Variants in FSTL1 observed in about 807,000 individuals in gnomAD.
The protein encoded by FSTL1 is follistatin like 1.
A neutral mutation model predicts 45.9 loss-of-function variants in FSTL1; 24 were observed. The observed-to-expected ratio is 0.52, with a 90% confidence interval of 0.38 to 0.74. The LOEUF (loss-of-function observed/expected upper bound fraction) is 0.74, where lower values mean the gene tolerates loss of function less well. Ranked by LOEUF, FSTL1 falls within the 30% of genes least tolerant of loss-of-function variation. The probability of loss-of-function intolerance (pLI) is 0.00; values close to 1 mark genes in which losing one functional copy is unlikely to be tolerated. For missense variants in FSTL1, 340 were observed against 381.8 expected, an observed-to-expected ratio of 0.89 and a Z score of 0.91; for synonymous variants, 120 against 137.6, an observed-to-expected ratio of 0.87 and a Z score of 0.89.
intron 5 of FSTL1, chr3:120,410,707 T>A: frequency 1.6e-6 from 1 of 629,424 alleles, no homozygotes; most frequent in South Asian, 1.5e-5. Context: ...GTTCAATCAC[T>A]ACTCAGGAAA....
intron 2 of FSTL1, among the ~76,000 whole-genome samples, chr3:120,446,728 A>G (rs767490367): frequency 4.6e-5 from 7 of 152,338 alleles, no homozygotes; most frequent in Non-Finnish European, 1.0e-4. Context: ...AGGAGCTCCC[A>G]AATATAACCC....
At chr3:120,444,994 AATAAC>A (rs1465347020) in intron 2 of FSTL1, among the ~76,000 whole-genome samples, 1 of 149,822 alleles carries the variant, frequency 6.7e-6, no homozygotes, top group Non-Finnish European at 1.5e-5. Flanking sequence ...TGCTGTCATA[AATAAC>A]ATGACTGACA....
Position 120,436,064 on chromosome 3 carries a change from A to C in FSTL1, c.63+14620T>G, listed in dbSNP as rs552564670. Among the ~76,000 whole-genome samples the C allele has an allele frequency of 1.7e-3, 252 of 150,162 alleles. 2 individuals carry two copies. The highest frequency in any genetic ancestry group is 5.4e-3 in the African/African-American group (222 of 40,954). ...ATCCCTATCACAGTTTATTTTTGTA[A>C]AAAAAAAAAAGTATCTAAAATAGGA... is the stretch of plus-strand genomic sequence containing the variant. On this transcript the variant is annotated intron_variant, in intron 2 of 10. Transcript: ENST00000295633.
intron 2 of FSTL1, among the ~76,000 whole-genome samples, chr3:120,450,252 T>C (rs1171599131): frequency 6.6e-6 from 1 of 152,028 alleles, no homozygotes; most frequent in East Asian, 1.9e-4. Context: ...GAAAATTAAT[T>C]TTGCCCCAAA....
At chr3:120,412,722 C>T (rs895937860) in intron 3 of FSTL1, among the ~76,000 whole-genome samples, 4 of 152,060 alleles carry the variant, frequency 2.6e-5, no homozygotes, top group Admixed American at 1.3e-4. Flanking sequence ...GATCTAAGAT[C>T]CCTTAATATT....
intron 10 of FSTL1, among the ~76,000 whole-genome samples, chr3:120,399,049 A>C (rs974774740): frequency 2.0e-5 from 3 of 152,212 alleles, no homozygotes; most frequent in African/African-American, 7.2e-5. Context: ...CTGTTTACTC[A>C]TGTCAAATAT....
chr3:120,414,155 C>A (rs1318219022), intron 3 of FSTL1, among the ~76,000 whole-genome samples: 1 of 152,178 alleles, frequency 6.6e-6, no homozygotes, highest in Non-Finnish European at 1.5e-5. Context: ...CAGCCGCCTG[C>A]CTTGGCCTCC....
intron 2 of FSTL1, among the ~76,000 whole-genome samples, chr3:120,448,473 A>C (rs1937808373): frequency 2.0e-5 from 3 of 152,354 alleles, no homozygotes; most frequent in Admixed American, 6.5e-5. Flanking sequence ...AATGGATTAA[A>C]AACTTGCCAA....
At chr3:120,429,050 C>G (rs1937433182) in intron 2 of FSTL1, among the ~76,000 whole-genome samples, 1 of 152,238 alleles carries the variant, frequency 6.6e-6, no homozygotes, top group South Asian at 2.1e-4. Context: ...GGAATACAGT[C>G]TTCCAAGGAA....
intron 10 of FSTL1, among the ~76,000 whole-genome samples, chr3:120,399,145 C>T (rs114720435): frequency 0.012 from 1,808 of 152,268 alleles, 41 homozygotes; most frequent in African/African-American, 0.041. Context: ...CTACTACATT[C>T]GGTCTACGGA....
chr3:120,441,017 C>T (rs1355098650), intron 2 of FSTL1, among the ~76,000 whole-genome samples: 2 of 152,208 alleles, frequency 1.3e-5, no homozygotes, highest in Non-Finnish European at 2.9e-5. Flanking sequence ...GTGCAAAGTA[C>T]CAGAAGCTGT....
chr3:120,403,951 CAAAACAAAACAAAAACAAAAACAAAAA>C (rs1936889799), intron 7 of FSTL1, among the ~76,000 whole-genome samples: 1 of 80,672 alleles, frequency 1.2e-5, no homozygotes, highest in African/African-American at 5.4e-5. Flanking sequence ...AAAACAAAAA[CAAAACAAAACAAAAACAAAAACAAAAA>C]AAAACAAAAA....
At chr3:120,401,109 C>G (rs986388105) in intron 9 of FSTL1, among the ~76,000 whole-genome samples, 1 of 152,196 alleles carries the variant, frequency 6.6e-6, no homozygotes, top group Non-Finnish European at 1.5e-5. Context: ...AAAGCCAGAA[C>G]AGCAGCAGTT....
intron 3 of FSTL1, among the ~76,000 whole-genome samples, chr3:120,413,334 G>A (rs1292879921): frequency 2.0e-5 from 3 of 152,096 alleles, no homozygotes; most frequent in Non-Finnish European, 4.4e-5. Context: ...GCTGGGCAAC[G>A]GGCAAAACCA....
intron 3 of FSTL1, 67 bp from the exon 4 acceptor site, chr3:120,412,050 C>T: frequency 1.6e-6 from 1 of 633,292 alleles, no homozygotes; most frequent in Non-Finnish European, 2.5e-6. Flanking sequence ...CACACACACA[C>T]ATACATGCAC....
rs1936688840 is a variant in FSTL1, at chr3:120,395,875, A to C, written c.*1077T>G. 5 of 377,496 alleles carry C rather than the reference A, an allele frequency of 1.3e-5. No individual in the cohort carries two copies. Among genetic ancestry groups the C allele is most frequent in the South Asian group, 1.1e-4 (5 of 47,460 alleles). The allele number at this position is 377,496 out of a possible 1,614,324, so 23.4% of individuals were successfully genotyped here. A position where few individuals can be genotyped will look rare whatever the true frequency, so the allele number is the denominator to read the frequency against. On this transcript the variant is annotated 3_prime_UTR_variant, in exon 11 of 11. Coordinates refer to ENST00000295633, the MANE Select transcript of FSTL1 (RefSeq NM_007085.5). The stretch of plus-strand genomic sequence containing the variant: ...CGAATGAGCATATTGGTAGGCTGGG[A>C]TATCCTAAGCCCTGCTTGGCTGCCC...
intron 2 of FSTL1, among the ~76,000 whole-genome samples, chr3:120,425,360 C>G (rs1198772685): frequency 2.0e-5 from 2 of 102,230 alleles, no homozygotes; most frequent in African/African-American, 2.9e-5. Flanking sequence ...CGGGATAAAA[C>G]AGCCAAAAAA....
At chr3:120,417,942 A>T (rs1349010584) in intron 2 of FSTL1, among the ~76,000 whole-genome samples, 1 of 152,238 alleles carries the variant, frequency 6.6e-6, no homozygotes, top group Non-Finnish European at 1.5e-5. Flanking sequence ...AGTGAGATAC[A>T]TGTGGAAGTA....
At chr3:120,417,023 A>G (rs1046878802) in intron 2 of FSTL1, among the ~76,000 whole-genome samples, 1 of 152,152 alleles carries the variant, frequency 6.6e-6, no homozygotes, top group African/African-American at 2.4e-5. Context: ...TGATTTCCCC[A>G]GCTTCTCATC....
Sources: allele counts gnomAD v4.1 joint callset (sites outside exome capture counted in the v4.1 genomes callset), GRCh38; gene constraint gnomAD v4.1.1; transcripts MANE v1.5; gene names NCBI Gene and HGNC (gene_info 2026-07-23, HGNC 2026-07-21).